SHROOM2: variants seen among roughly 807,000 people sequenced by gnomAD.
SHROOM2 encodes the protein shroom family member 2.
SHROOM2 carries 33 observed loss-of-function variants against 75.9 expected under a neutral mutation model. That is an observed-to-expected ratio of 0.43 (90% CI 0.33 to 0.58). SHROOM2 has a LOEUF of 0.58. SHROOM2 is among the 20% of genes least tolerant of loss of function. The pLI, the probability that SHROOM2 is intolerant of heterozygous loss-of-function variation, is 0.04. For missense variants in SHROOM2, 1,434 were observed against 1,461.2 expected (o/e 0.98, Z 0.30); for synonymous variants, 655 against 663.6 (o/e 0.99, Z 0.20).
intron 5 of SHROOM2, among the ~76,000 whole-genome samples, chrX:9,916,573 G>A (rs1465327911): frequency 2.7e-5 from 3 of 111,947 alleles, no homozygotes; most frequent in Admixed American, 1.9e-4. Flanking sequence ...GGCACCGATC[G>A]CCCAGGACAG....
chrX:9,793,298 C>CTT (rs372570871), intron 1 of SHROOM2, among the ~76,000 whole-genome samples: 3 of 101,599 alleles, frequency 3.0e-5, no homozygotes, highest in Admixed American at 1.1e-4. Flanking sequence ...TTTTTCCACT[C>CTT]TTTTTTTTTT....
chrX:9,938,146 T>A (rs1185732610), intron 7 of SHROOM2, among the ~76,000 whole-genome samples: 1 of 111,321 alleles, frequency 9.0e-6, no homozygotes, highest in African/African-American at 3.3e-5. Flanking sequence ...CCCCCACGTG[T>A]CCCTAGTGCC....
At chrX:9,910,217 A>G (rs1378323015) in intron 5 of SHROOM2, among the ~76,000 whole-genome samples, 2 of 111,005 alleles carry the variant, frequency 1.8e-5, no homozygotes, top group Non-Finnish European at 3.8e-5. Context: ...AGACAGAAGG[A>G]GAACATTGAT....
At chrX:9,862,654 C>G (rs139897935) in intron 1 of SHROOM2, among the ~76,000 whole-genome samples, 2 of 111,983 alleles carry the variant, frequency 1.8e-5, no homozygotes, top group African/African-American at 6.5e-5. Flanking sequence ...GAGGAAAGCA[C>G]GCTGGAATGA....
Position 9,932,536 on chromosome X carries a change from G to A in SHROOM2, c.3253G>A (p.Ala1085Thr), listed in dbSNP as rs944079733. 10 of 1,210,810 alleles carry A rather than the reference G, an allele frequency of 8.3e-6. No homozygotes were observed. Among genetic ancestry groups the A allele is most frequent in the African/African-American group, 6.9e-5 (4 of 57,811 alleles). The change falls in exon 6 of 10, where the codon GCC becomes ACC. Residue 1085 changes from alanine (A) to threonine (T), a missense_variant. This residue lies in a region of SHROOM2 where 1,340 missense variants were observed against 1,338.3 expected (regional missense o/e 1.00). Coordinates refer to ENST00000380913, the MANE Select transcript of SHROOM2 (RefSeq NM_001649.4). ...GGCCACAGACGGCGCACCTGCTGACGCCCCCGTGGGCGTCCTCGGCAGGCC... is the reference window on the plus strand; with the variant it reads ...GGCCACAGACGGCGCACCTGCTGACACCCCCGTGGGCGTCCTCGGCAGGCC... ...YRATDGAPAD[A>T]PVGVLGRPFP... is the part of the protein sequence containing the mutation.
At position 9,932,374 on chromosome X, in the gene SHROOM2, G is replaced by C; in HGVS notation, c.3091G>C (p.Gly1031Arg). The C allele has an allele frequency of 8.3e-7, 1 of 1,209,432 alleles. No individual in the cohort carries two copies. The change falls in exon 6 of 10, where the codon GGA becomes CGA. Residue 1031 changes from glycine (G) to arginine (R), a missense_variant. Gly to Arg is a moderately radical substitution (Grantham distance 125). Coordinates refer to ENST00000380913, the MANE Select transcript of SHROOM2 (RefSeq NM_001649.4). ...GGAGGAGAGCACCCCAGCAGACTTGGGACCCCGAGCCCAGAGCCCTGGCTC... is the reference window on the plus strand; with the variant it reads ...GGAGGAGAGCACCCCAGCAGACTTGCGACCCCGAGCCCAGAGCCCTGGCTC... ...YSEESTPADL[G>R]PRAQSPGSPL... is the part of the protein sequence containing the mutation.
At chrX:9,908,053 GA>G (rs773746880) in intron 5 of SHROOM2, among the ~76,000 whole-genome samples, 43 of 112,932 alleles carry the variant, frequency 3.8e-4, no homozygotes, top group Admixed American at 3.4e-3. Flanking sequence ...TGTTTTCAAA[GA>G]GGCTTCTTTG....
At chrX:9,816,735 G>GT (rs1310753610) in intron 1 of SHROOM2, among the ~76,000 whole-genome samples, 20 of 110,885 alleles carry the variant, frequency 1.8e-4, no homozygotes, top group African/African-American at 6.6e-4. Context: ...TCGGGACGGT[G>GT]TCCCCCCTTA....
At chrX:9,836,596 C>CTT (rs35880687) in intron 1 of SHROOM2, among the ~76,000 whole-genome samples, 91 of 99,688 alleles carry the variant, frequency 9.1e-4, no homozygotes, top group African/African-American at 3.2e-3. Context: ...GATTTTCTTT[C>CTT]TTTTTTTTTG....
At chrX:9,942,177 T>A (rs183208724) in intron 8 of SHROOM2, among the ~76,000 whole-genome samples, 1 of 111,112 alleles carries the variant, frequency 9.0e-6, no homozygotes, top group Non-Finnish European at 1.9e-5. Flanking sequence ...AGCTGTGAGA[T>A]TCTCAACTTA....
intron 5 of SHROOM2, among the ~76,000 whole-genome samples, chrX:9,900,879 C>G (rs767629380): frequency 9.1e-6 from 1 of 110,326 alleles, no homozygotes; most frequent in Admixed American, 9.7e-5. Context: ...GAGGCTTCAC[C>G]TCAGACCCAC....
intron 1 of SHROOM2, among the ~76,000 whole-genome samples, chrX:9,857,316 G>A (rs189142034): frequency 1.3e-4 from 14 of 111,684 alleles, no homozygotes; most frequent in South Asian, 3.7e-4. Context: ...GTGGTTACAC[G>A]TTTGACCCTT....
At chrX:9,799,691 G>C (rs2083713864) in intron 1 of SHROOM2, among the ~76,000 whole-genome samples, 1 of 109,196 alleles carries the variant, frequency 9.2e-6, no homozygotes, top group Non-Finnish European at 1.9e-5. Context: ...CCTTTTATCT[G>C]TCCTCTCTCT....
intron 5 of SHROOM2, among the ~76,000 whole-genome samples, chrX:9,901,564 AG>A (rs1355584438): frequency 2.7e-5 from 3 of 111,990 alleles, no homozygotes; most frequent in Non-Finnish European, 5.6e-5. Context: ...ACCTGACTGG[AG>A]GGCTTTTTGA....
chrX:9,914,843 G>C lies in SHROOM2; in HGVS notation c.2891+16553G>C, dbSNP rs772525923. ...ATTTTCAGTCTGGTGGGCTCCTGCG[G>C]ACTAATGGGTCGAGGTCCTCCAGGT... On this transcript the variant is annotated intron_variant, in intron 5 of 9. Transcript: ENST00000380913. Among the ~76,000 whole-genome samples the C allele has an allele frequency of 4.5e-5, 5 of 112,044 alleles. No homozygotes were observed. In the South Asian group the frequency reaches 1.5e-3, roughly 33 times the overall value.
At chrX:9,917,875 G>A (rs1227147745) in intron 5 of SHROOM2, among the ~76,000 whole-genome samples, 1 of 111,687 alleles carries the variant, frequency 9.0e-6, no homozygotes, top group Admixed American at 9.6e-5. Context: ...ACCTCATATC[G>A]TTCTTACTGG....
Position 9,845,989 on chromosome X carries a change from G to A in SHROOM2, c.166-27663G>A, listed in dbSNP as rs182814814. Among the ~76,000 whole-genome samples, 66 of 102,165 alleles carry A rather than the reference G, an allele frequency of 6.5e-4. 1 individual carries two copies. The highest frequency in any genetic ancestry group is 1.0e-3 in the Non-Finnish European group (53 of 50,604). 88.7% of individuals were successfully genotyped at this position (102,165 alleles called of 115,157 possible). Reference sequence around the variant, plus strand: ...CCTCTATTTGGCCTTTATATAAATAGCATCATCTAGTATGGACTCTTTTGT... The same window carrying A: ...CCTCTATTTGGCCTTTATATAAATAACATCATCTAGTATGGACTCTTTTGT... On this transcript the variant is annotated intron_variant, in intron 1 of 9. Coordinates refer to ENST00000380913, the MANE Select transcript of SHROOM2 (RefSeq NM_001649.4).
chrX:9,842,929 T>C (rs971600214), intron 1 of SHROOM2, among the ~76,000 whole-genome samples: 1 of 111,542 alleles, frequency 9.0e-6, no homozygotes, highest in Non-Finnish European at 1.9e-5. Context: ...TGTCTGCAGC[T>C]TCCCAGGAGC....
At chrX:9,940,357 A>G (rs1249400238) in intron 8 of SHROOM2, among the ~76,000 whole-genome samples, 1 of 111,908 alleles carries the variant, frequency 8.9e-6, no homozygotes, top group African/African-American at 3.3e-5. Context: ...GTTTTTCATG[A>G]TATAATGAAT....
Sources: gnomAD v4.1 joint callset for allele counts (sites outside exome capture counted in the v4.1 genomes callset) on GRCh38, gnomAD v4.1.1 for gene constraint, gnomAD v4.1.1 regional missense constraint, MANE v1.5 for transcripts, NCBI Gene and HGNC (gene_info 2026-07-23, HGNC 2026-07-21) for gene names.